Variants in UCHL1 observed in about 807,000 individuals in gnomAD.
UCHL1 encodes the protein ubiquitin carboxyl-terminal hydrolase isozyme L1.
A neutral mutation model predicts 33.3 loss-of-function variants in UCHL1; 5 were observed. The observed-to-expected ratio is 0.15, with a 90% confidence interval of 0.08 to 0.32. The LOEUF (loss-of-function observed/expected upper bound fraction) is 0.32. Among genes scored for constraint, UCHL1 ranks in the 10% least tolerant of loss-of-function variants. The pLI, the probability that UCHL1 is intolerant of heterozygous loss-of-function variation, is 1.00. For synonymous variants in UCHL1, 132 were observed against 108.8 expected, an observed-to-expected ratio of 1.21 and a Z score of -1.33; for missense variants, 236 against 280.0, an observed-to-expected ratio of 0.84 and a Z score of 1.12.
At chr4:41,259,737 G>GT (rs887302972) in intron 3 of UCHL1, among the ~76,000 whole-genome samples, 7 of 152,052 alleles carry the variant, frequency 4.6e-5, no homozygotes, top group Non-Finnish European at 8.8e-5. Flanking sequence ...TTATTTTTTA[G>GT]AGACAAGGTC....
intron 5 of UCHL1, 23 bp from the exon 6 acceptor site, chr4:41,261,853 T>C (rs1343711072): frequency 1.2e-6 from 2 of 1,614,044 alleles, no homozygotes; most frequent in Non-Finnish European, 1.7e-6. Context: ...ATTTTTGTGC[T>C]AATTATTTTC....
chr4:41,263,319 A>G lies in UCHL1; in HGVS notation c.526+28A>G, dbSNP rs896096169. 10 of 1,603,548 alleles carry G rather than the reference A, an allele frequency of 6.2e-6. No individual in the cohort carries two copies. The African/African-American group carries it at 8.0e-5, about 13-fold the overall frequency. On this transcript the variant is annotated intron_variant, in intron 7 of 8. Transcript: ENST00000284440. ...ATGTTTTACTCCATTTTTGGAACCC[A>G]GTGTAGTTTCATGTGTTCTTTCAGA...
rs748642283 is a variant in UCHL1 at position 41,264,121 on chromosome 4, C to T, written c.545C>T (p.Pro182Leu). 3.1e-6 allele frequency: 5 copies of T among 1,614,176 alleles called. No homozygotes were observed. The highest frequency in any genetic ancestry group is 1.7e-6 in the Non-Finnish European group (2 of 1,180,026). ...LYELDGRMPFPVNHGASSEDT... is the reference protein window; with the variant it reads ...LYELDGRMPFLVNHGASSEDT... ...GTTACAGATGGACGAATGCCTTTTC[C>T]GGTGAACCATGGCGCCAGTTCAGAG... The change falls in exon 8 of 9, where the codon CCG (proline) becomes CTG (leucine). Residue 182 changes from proline (P) to leucine (L), a missense_variant. Pro to Leu is a moderately conservative substitution (Grantham distance 98). Coordinates refer to ENST00000284440, the MANE Select transcript of UCHL1 (RefSeq NM_004181.5).
intron 6 of UCHL1, among the ~76,000 whole-genome samples, chr4:41,262,754 A>C (rs776177028): frequency 1.2e-4 from 19 of 152,038 alleles, no homozygotes; most frequent in Non-Finnish European, 1.2e-4. Context: ...TTACAAGTAC[A>C]CACCACCACA....
At position 41,260,770 on chromosome 4, in the gene UCHL1, G is replaced by T; in HGVS notation, c.298G>T (p.Ala100Ser). Residue 100 changes from alanine to serine, a missense_variant, in exon 4 of 9, where the codon GCC becomes TCC. Physicochemically the swap from Ala to Ser is moderately conservative, Grantham distance 99 (BLOSUM62 1). Transcript: ENST00000284440. Reference sequence around the variant, plus strand: ...CACAATCGGACTTATTCACGCAGTGGCCAATAATCAAGACAAACTGGGATT... The same window carrying T: ...CACAATCGGACTTATTCACGCAGTGTCCAATAATCAAGACAAACTGGGATT... ...CGTIGLIHAV[A>S]NNQDKLGFED... The T allele has an allele frequency of 6.2e-7, 1 of 1,614,170 alleles. No individual in the cohort carries two copies. Among genetic ancestry groups the T allele is most frequent in the South Asian group, 1.1e-5 (1 of 91,080 alleles).
In UCHL1 at chr4:41,257,754, A is replaced by G. The variant is rs1006625956; in HGVS notation, c.174+17A>G. ...ACGGCCCAGGTAGGGCGTGGGGCCC[A>G]GGATGCGCCGGCCGCCGGCAGTGCA... On this transcript the variant is annotated intron_variant, in intron 3 of 8. Transcript: ENST00000284440. 5 of 1,562,902 alleles carry G rather than the reference A, an allele frequency of 3.2e-6. No homozygotes were observed. The African/African-American group carries it at 4.1e-5, about 13-fold the overall frequency.
At chr4:41,264,011 TG>T (rs1781115062) in intron 7 of UCHL1, 91 bp from the exon 8 acceptor site, 3 of 1,556,612 alleles carry the variant, frequency 1.9e-6, no homozygotes, top group Non-Finnish European at 2.7e-6. Flanking sequence ...CAGTGGTTTT[TG>T]GAAGAATCTA....
At chr4:41,259,055 C>T (rs3756002) in intron 3 of UCHL1, among the ~76,000 whole-genome samples, 15,307 of 152,150 alleles carry the variant, frequency 0.1, 871 homozygotes, top group East Asian at 0.16. Context: ...TGACTGTTCT[C>T]CTTTTGCTGA....
intron 6 of UCHL1, among the ~76,000 whole-genome samples, 187 bp downstream of exon 6, chr4:41,262,110 G>T (rs1781079559): frequency 6.6e-6 from 1 of 152,144 alleles, no homozygotes; most frequent in Non-Finnish European, 1.5e-5. Flanking sequence ...TTCAGAAATT[G>T]TATTGGTCAT....
intron 2 of UCHL1, chr4:41,257,400 G>A: frequency 2.3e-6 from 2 of 885,356 alleles, no homozygotes; most frequent in Non-Finnish European, 3.2e-6. Context: ...CACAGACTCG[G>A]CTGCACGGGC....
intron 8 of UCHL1, among the ~76,000 whole-genome samples, chr4:41,265,730 C>T (rs918353525): frequency 6.6e-6 from 1 of 152,128 alleles, no homozygotes; most frequent in Non-Finnish European, 1.5e-5. Flanking sequence ...TTATGCCACT[C>T]TTAATAGGGA....
At position 41,264,106 on chromosome 4, in the gene UCHL1, G is replaced by C. The variant is rs1378054285; in HGVS notation, c.530G>C (p.Gly177Ala). Residue 177 changes from glycine to alanine, a missense_variant, in exon 8 of 9, where the codon GGA (glycine) becomes GCA (alanine). Gly to Ala is a moderately conservative substitution (Grantham distance 60). Coordinates refer to ENST00000284440, the MANE Select transcript of UCHL1 (RefSeq NM_004181.5). ...NVDGHLYELD[G>A]RMPFPVNHGA... ...ATGCCTGGCTTCTTTGTTACAGATGGACGAATGCCTTTTCCGGTGAACCAT... is the reference window on the plus strand; with the variant it reads ...ATGCCTGGCTTCTTTGTTACAGATGCACGAATGCCTTTTCCGGTGAACCAT... The C allele has an allele frequency of 4.3e-6, 7 of 1,614,110 alleles. No individual in the cohort carries two copies. In the Admixed American group the frequency reaches 1.2e-4, roughly 27 times the overall value.
intron 2 of UCHL1, 125 bp from the exon 3 acceptor site, chr4:41,257,484 G>C: frequency 7.8e-7 from 1 of 1,277,096 alleles, no homozygotes; most frequent in Non-Finnish European, 1.0e-6. Flanking sequence ...GGCAGGGCGG[G>C]ACTGGGGCTC....
chr4:41,267,169 A>AC (rs778890942), intron 8 of UCHL1, among the ~76,000 whole-genome samples: 2 of 152,164 alleles, frequency 1.3e-5, no homozygotes, highest in Non-Finnish European at 2.9e-5. Context: ...ATGTCACTTC[A>AC]CCATCAATCT....
intron 2 of UCHL1, 140 bp from the exon 3 acceptor site, chr4:41,257,469 G>C (rs1271480417): frequency 2.5e-6 from 3 of 1,178,150 alleles, no homozygotes; most frequent in Non-Finnish European, 3.3e-6. Context: ...GGCCCGGGTG[G>C]GGGTGGCAGG....
intron 7 of UCHL1, 141 bp downstream of exon 7, chr4:41,263,432 G>A: frequency 1.2e-6 from 1 of 860,630 alleles, no homozygotes; most frequent in Non-Finnish European, 1.9e-6. Flanking sequence ...TTCTCATGAG[G>A]GCACTTAACC....
intron 2 of UCHL1, 168 bp from the exon 3 acceptor site, chr4:41,257,441 G>A: frequency 9.7e-7 from 1 of 1,031,072 alleles, no homozygotes; most frequent in Non-Finnish European, 1.3e-6. Flanking sequence ...GCCGCGCTTT[G>A]TGCTGTGTCA....
chr4:41,257,001 A>C lies in UCHL1; in HGVS notation c.25A>C (p.Asn9His), dbSNP rs774679952. Residue 9 changes from asparagine to histidine, a missense_variant, in exon 1 of 9, where the codon AAC (asparagine) becomes CAC (histidine). Transcript: ENST00000284440. ...GATGCAGCTCAAGCCGATGGAGATC[A>C]ACCCCGAGGTGAGCGCCAGGTGCAC... is the stretch of plus-strand genomic sequence containing the variant. MQLKPMEI[N>H]PEMLNKVLSR... 1.2e-6 allele frequency: 2 copies of C among 1,614,206 alleles called. No homozygotes were observed. Among genetic ancestry groups the C allele is most frequent in the Non-Finnish European group, 1.7e-6 (2 of 1,180,016 alleles).
In UCHL1 at chr4:41,268,073, A is replaced by G; in HGVS notation, c.672A>G (p.Ter224=). ...CCGTGGCTCTCTGCAAGGCAGCCTA[A>G]TGCTCTGTGGGAGGGACTTTGCTGA... is the stretch of plus-strand genomic sequence containing the variant. The part of the protein sequence containing the change: ...FSAVALCKAA[*] The change falls in exon 9 of 9, where the codon TAA becomes TAG. Residue 224 remains the stop codon, a stop_retained_variant. Transcript: ENST00000284440. 1 of 1,612,822 alleles carries G rather than the reference A, an allele frequency of 6.2e-7. No homozygotes were observed. The highest frequency in any genetic ancestry group is 8.5e-7 in the Non-Finnish European group (1 of 1,179,414).
Sources: gnomAD v4.1 joint callset for allele counts (sites outside exome capture counted in the v4.1 genomes callset) on GRCh38, gnomAD v4.1.1 for gene constraint, MANE v1.5 for transcripts, NCBI Gene and HGNC (gene_info 2026-07-23, HGNC 2026-07-21) for gene names.